Variants in PQBP1 observed in about 807,000 individuals in gnomAD.
PQBP1 encodes polyglutamine binding protein 1.
Under a neutral mutation model 20.9 loss-of-function variants are expected in PQBP1, and 3 were observed. That is an observed-to-expected ratio of 0.14 (90% CI 0.07 to 0.37). The LOEUF is 0.37. Ranked by LOEUF, PQBP1 falls within the 10% of genes least tolerant of loss-of-function variation. The pLI is 1.00. For missense variants in PQBP1, 162 were observed against 240.3 expected, an observed-to-expected ratio of 0.67 and a Z score of 2.16; for synonymous variants, 83 against 93.8, an observed-to-expected ratio of 0.88 and a Z score of 0.67.
At position 48,902,401 on chromosome X, in the gene PQBP1, A is replaced by T; in HGVS notation, c.461A>T (p.Glu154Val). The T allele has an allele frequency of 8.3e-7, 1 of 1,209,024 alleles. No homozygotes were observed. Among genetic ancestry groups the T allele is most frequent in the Non-Finnish European group, 1.1e-6 (1 of 894,243 alleles). Residue 154 changes from glutamate (E) to valine (V), a missense_variant, in exon 5 of 7, where the codon GAG becomes GTG. Transcript: ENST00000447146. ...TATGACAAGGTAGACAGAGAGAGAG[A>T]GCGAGACAGGGAACGGGATCGGGAC... ...RGYDKVDRER[E>V]RDRERDRDRG...
rs28372358 is a variant in PQBP1 at position 48,902,316 on chromosome X, A to C, written c.376A>C (p.Arg126=). 8.3e-7 allele frequency: 1 copy of C among 1,211,252 alleles called. No individual in the cohort carries two copies. Among genetic ancestry groups the C allele is most frequent in the Non-Finnish European group, 1.1e-6 (1 of 895,288 alleles). ...GGACCGCAGCCATGAGAAACTAGAC[A>C]GGGGCCACGACAAGTCAGACCGGGG... ...KSDRSHEKLD[R]GHDKSDRGHD... The change falls in exon 5 of 7, where the codon AGG becomes CGG. Residue 126 remains arginine (R), a synonymous_variant. Coordinates refer to ENST00000447146, the MANE Select transcript of PQBP1 (RefSeq NM_001032382.2).
chrX:48,898,338 C>G, intron 1 of PQBP1, 154 bp from the exon 2 acceptor site: 1 of 616,715 alleles, frequency 1.6e-6, no homozygotes, highest in South Asian at 2.4e-5. Context: ...CTACCTCTTA[C>G]ATCTTTTAGT....
rs1189109762 is a variant in PQBP1 at position 48,897,959 on chromosome X, C to T, written c.-142C>T. 2.2e-5 allele frequency: 19 copies of T among 880,936 alleles called. No individual in the cohort carries two copies. The African/African-American group carries it at 3.9e-4, about 18-fold the overall frequency. The allele number at this position is 880,936 out of a possible 1,213,427, so 72.6% of individuals were successfully genotyped here. A position where few individuals can be genotyped will look rare whatever the true frequency, so the allele number is the denominator to read the frequency against. On this transcript the variant is annotated 5_prime_UTR_variant, in exon 1 of 7. Coordinates refer to ENST00000447146, the MANE Select transcript of PQBP1 (RefSeq NM_001032382.2). ...TACTTTCAGGCTCGGGGAGTGAAGG[C>T]CTCGTTGAGAGAAGGTCTCATTCGG...
chrX:48,900,737 T>C (rs972837226), intron 2 of PQBP1, among the ~76,000 whole-genome samples: 6 of 108,563 alleles, frequency 5.5e-5, no homozygotes, highest in Admixed American at 9.8e-5. Context: ...TTTTTTTTTG[T>C]AGAGACAGGG....
chrX:48,900,284 C>CTTTTTTT (rs1162086780), intron 2 of PQBP1, among the ~76,000 whole-genome samples: 2 of 32,472 alleles, frequency 6.2e-5, no homozygotes, highest in Admixed American at 4.4e-4. Context: ...CATTGATTTA[C>CTTTTTTT]TTTTTTTTTT....
At chrX:48,898,121 A>G (rs2063336671) in intron 1 of PQBP1, 39 bp downstream of exon 1, 1 of 1,013,034 alleles carries the variant, frequency 9.9e-7, no homozygotes, top group African/African-American at 2.0e-5. Context: ...GAGCTGGAGG[A>G]AGTGCTGCCC....
At chrX:48,900,536 C>T (rs1424269949) in intron 2 of PQBP1, among the ~76,000 whole-genome samples, 2 of 105,477 alleles carry the variant, frequency 1.9e-5, no homozygotes, top group Non-Finnish European at 3.9e-5. Context: ...TATTGAATGA[C>T]CTGTGCCTAT....
At chrX:48,901,887 G>A in intron 3 of PQBP1, 43 bp from the exon 4 acceptor site, 1 of 1,209,425 alleles carries the variant, frequency 8.3e-7, no homozygotes. Context: ...AGGATCCAAG[G>A]CAAGGACATC....
At chrX:48,902,821 G>C (rs376409351) in intron 6 of PQBP1, 26 bp downstream of exon 6, 33 of 1,192,651 alleles carry the variant, frequency 2.8e-5, no homozygotes, top group Non-Finnish European at 3.5e-5. Context: ...TCTTGACTCA[G>C]TACGTGGACA....
Position 48,902,268 on chromosome X carries a change from T to C in PQBP1, c.328T>C (p.Ser110Pro). The C allele has an allele frequency of 1.7e-6, 2 of 1,208,796 alleles. No homozygotes were observed. Among genetic ancestry groups the C allele is most frequent in the Non-Finnish European group, 2.2e-6 (2 of 894,367 alleles). The part of the protein sequence containing the change: ...EEKLDRSHDK[S>P]DRGHDKSDRS... ...AAAGTTGGACCGGAGCCATGACAAG[T>C]CGGACAGGGGCCATGACAAGTCGGA... Residue 110 changes from serine to proline, a missense_variant, in exon 5 of 7, where the codon TCG (serine) becomes CCG (proline). Physicochemically the swap from Ser to Pro is moderately conservative, Grantham distance 74 (BLOSUM62 -1). Coordinates refer to ENST00000447146, the MANE Select transcript of PQBP1 (RefSeq NM_001032382.2).
chrX:48,901,560 C>T, intron 3 of PQBP1: 2 of 610,578 alleles, frequency 3.3e-6, no homozygotes, highest in South Asian at 2.4e-5. Flanking sequence ...CTTATGGCAA[C>T]CTCCGCCTCG....
intron 2 of PQBP1, among the ~76,000 whole-genome samples, chrX:48,899,096 G>A (rs2063360942): frequency 1.9e-5 from 2 of 107,669 alleles, no homozygotes; most frequent in South Asian, 8.2e-4. Flanking sequence ...TCCTGTCTCA[G>A]CCTCCCAAGT....
intron 2 of PQBP1, among the ~76,000 whole-genome samples, chrX:48,899,929 G>A (rs918615147): frequency 8.9e-5 from 10 of 111,958 alleles, no homozygotes; most frequent in African/African-American, 3.2e-4. Context: ...CTGTGTGCAA[G>A]GTATAGACCT....
chrX:48,900,708 C>T (rs1157979548), intron 2 of PQBP1, among the ~76,000 whole-genome samples: 1 of 110,279 alleles, frequency 9.1e-6, no homozygotes, highest in African/African-American at 3.3e-5. Context: ...AGACGTGTGC[C>T]ACTGTGCCCA....
intron 2 of PQBP1, among the ~76,000 whole-genome samples, chrX:48,899,276 C>T (rs922791064): frequency 8.9e-6 from 1 of 111,840 alleles, no homozygotes; most frequent in African/African-American, 3.2e-5. Flanking sequence ...CCACTGTGCC[C>T]GGCAGATATT....
At chrX:48,900,520 T>A (rs2063393080) in intron 2 of PQBP1, among the ~76,000 whole-genome samples, 1 of 105,259 alleles carries the variant, frequency 9.5e-6, no homozygotes, top group Admixed American at 1.0e-4. Flanking sequence ...GATTTTCTTT[T>A]AAGCCTATTG....
chrX:48,903,062 C>G lies in PQBP1; in HGVS notation c.776C>G (p.Ser259Cys). Residue 259 changes from serine to cysteine, a missense_variant, in exon 7 of 7, where the codon TCC becomes TGC. Ser to Cys is a moderately radical substitution (Grantham distance 112, BLOSUM62 -1). Transcript: ENST00000447146. Reference protein sequence around the residue: ...GAVLRANAEASRTKQQD With the variant: ...GAVLRANAEACRTKQQD ...GTGCTCCGGGCCAATGCAGAGGCCT[C>G]CCGAACCAAGCAGCAGGATTGAAGC... is the stretch of plus-strand genomic sequence containing the variant. The G allele has an allele frequency of 8.3e-7, 1 of 1,208,402 alleles. No individual in the cohort carries two copies. Among genetic ancestry groups the G allele is most frequent in the Non-Finnish European group, 1.1e-6 (1 of 893,964 alleles).
At chrX:48,902,692 T>C in intron 5 of PQBP1, 40 bp from the exon 6 acceptor site, 2 of 1,181,676 alleles carry the variant, frequency 1.7e-6, no homozygotes, top group Non-Finnish European at 2.3e-6. Flanking sequence ...CAGGGGATCC[T>C]GGTGCCTCTA....
At position 48,902,361 on chromosome X, in the gene PQBP1, G is replaced by C; in HGVS notation, c.421G>C (p.Asp141His). 8.3e-7 allele frequency: 1 copy of C among 1,210,663 alleles called. No individual in the cohort carries two copies. Among genetic ancestry groups the C allele is most frequent in the Non-Finnish European group, 1.1e-6 (1 of 894,964 alleles). Residue 141 changes from aspartate (D) to histidine (H), a missense_variant, in exon 5 of 7, where the codon GAT becomes CAT. By Grantham distance (81) the Asp-to-His change is moderately conservative (BLOSUM62 -1). Transcript: ENST00000447146. ...SDRGHDKSDR[D>H]RERGYDKVDR... is the part of the protein sequence containing the mutation. ...CCGGGGCCACGACAAGTCTGACAGG[G>C]ATCGAGAGCGTGGCTATGACAAGGT...
Sources: gnomAD v4.1 joint callset for allele counts (sites outside exome capture counted in the v4.1 genomes callset) on GRCh38, gnomAD v4.1.1 for gene constraint, MANE v1.5 for transcripts, NCBI Gene and HGNC (gene_info 2026-07-23, HGNC 2026-07-21) for gene names.